The following MALRD1 variants were observed in gnomAD, a reference collection of about 807,000 sequenced individuals.
MALRD1 encodes MAM and LDL-receptor class A domain-containing protein 1.
MALRD1 carries 247 observed loss-of-function variants against 242.1 expected under a neutral mutation model. That is an observed-to-expected ratio of 1.02 (90% CI 0.92 to 1.13). The LOEUF is 1.13. MALRD1 is among the 50% of genes most tolerant of loss of function. The probability of loss-of-function intolerance (pLI) is 0.00; values close to 1 mark genes in which losing one functional copy is unlikely to be tolerated. For missense variants in MALRD1, 2,989 were observed against 2,533.1 expected (o/e 1.18, Z -3.86); for synonymous variants, 995 against 866.6 (o/e 1.15, Z -2.60).
At chr10:19,132,601 A>G (rs1833156110) in intron 8 of MALRD1, among the ~76,000 whole-genome samples, 3 of 152,150 alleles carry the variant, frequency 2.0e-5, no homozygotes, top group Admixed American at 2.0e-4. Context: ...AAATATTGAT[A>G]TCAAGTATCA....
intron 14 of MALRD1, among the ~76,000 whole-genome samples, chr10:19,200,884 TA>T (rs1165539759): frequency 5.3e-5 from 8 of 152,164 alleles, no homozygotes; most frequent in African/African-American, 1.9e-4. Flanking sequence ...TTTTAATCTA[TA>T]GCCATAGTAC....
intron 28 of MALRD1, among the ~76,000 whole-genome samples, chr10:19,430,042 C>T (rs1010010680): frequency 6.6e-6 from 1 of 151,662 alleles, no homozygotes; most frequent in Non-Finnish European, 1.5e-5. Context: ...AATATTCAGA[C>T]ACTTCCATAC....
At chr10:19,308,256 T>C (rs1842301269) in intron 21 of MALRD1, among the ~76,000 whole-genome samples, 1 of 151,530 alleles carries the variant, frequency 6.6e-6, no homozygotes, top group South Asian at 2.1e-4. Context: ...TTTGATTTTA[T>C]ATGGTGTGTA....
intron 18 of MALRD1, among the ~76,000 whole-genome samples, chr10:19,253,895 G>T (rs560868108): frequency 1.7e-4 from 26 of 152,094 alleles, no homozygotes; most frequent in Admixed American, 1.3e-3. Flanking sequence ...TGGGTCAAGG[G>T]TGGGACCAGG....
intron 14 of MALRD1, among the ~76,000 whole-genome samples, chr10:19,188,063 T>C (rs1835814721): frequency 6.6e-6 from 1 of 152,200 alleles, no homozygotes; most frequent in Non-Finnish European, 1.5e-5. Context: ...TGAGGACCAT[T>C]TCAGCCGAGG....
chr10:19,479,171 C>G lies in MALRD1; in HGVS notation c.5030-12346C>G, dbSNP rs1444964352. On this transcript the variant is annotated intron_variant, in intron 29 of 39. Coordinates refer to ENST00000454679, the MANE Select transcript of MALRD1 (RefSeq NM_001142308.3). ...GTGATGATTATAATACAGTTTCTTC[C>G]TTTAAGGATTCTTCATTTTCTTTCA... 1.3e-5 allele frequency among the ~76,000 whole-genome samples: 2 copies of G among 152,098 alleles called. 1 individual carries two copies. The highest frequency in any genetic ancestry group is 3.8e-4 in the East Asian group (2 of 5,198).
chr10:19,189,294 C>A (rs1238707771), intron 14 of MALRD1, among the ~76,000 whole-genome samples: 1 of 152,002 alleles, frequency 6.6e-6, no homozygotes, highest in East Asian at 1.9e-4. Flanking sequence ...CTACAACTAG[C>A]AAAGAGATTT....
intron 26 of MALRD1, among the ~76,000 whole-genome samples, chr10:19,368,715 T>C (rs1446567778): frequency 6.6e-6 from 1 of 151,976 alleles, no homozygotes; most frequent in African/African-American, 2.4e-5. Flanking sequence ...GTATGCTTAT[T>C]TTAACAATAT....
intron 36 of MALRD1, among the ~76,000 whole-genome samples, chr10:19,635,954 G>A (rs1421275482): frequency 6.6e-6 from 1 of 151,776 alleles, no homozygotes; most frequent in Non-Finnish European, 1.5e-5. Context: ...AGGCTGGAGT[G>A]CAATGGCACA....
upstream of MALRD1, among the ~76,000 whole-genome samples, chr10:19,048,387 AAAAC>A (rs753737363): frequency 6.6e-6 from 1 of 152,218 alleles, no homozygotes; most frequent in Non-Finnish European, 1.5e-5. Flanking sequence ...AAAGAAGACA[AAAAC>A]AAGCAAGGTG....
intron 33 of MALRD1, among the ~76,000 whole-genome samples, chr10:19,581,844 A>G (rs923440859): frequency 1.2e-4 from 18 of 151,882 alleles, no homozygotes; most frequent in Admixed American, 6.6e-5. Flanking sequence ...CAACAGTGTA[A>G]AAGTGTTCCT....
intron 26 of MALRD1, among the ~76,000 whole-genome samples, chr10:19,370,515 T>A (rs1468619372): frequency 6.6e-6 from 1 of 152,192 alleles, no homozygotes; most frequent in African/African-American, 2.4e-5. Flanking sequence ...GTATTAAAAG[T>A]ACAATTAATT....
At chr10:19,645,079 A>G (rs1432598781) in intron 36 of MALRD1, among the ~76,000 whole-genome samples, 6 of 152,196 alleles carry the variant, frequency 3.9e-5, no homozygotes, top group African/African-American at 1.4e-4. Flanking sequence ...TCATTTTCAT[A>G]GTGTCATTAT....
chr10:19,172,594 G>A (rs1267017919), intron 13 of MALRD1, among the ~76,000 whole-genome samples: 5 of 150,992 alleles, frequency 3.3e-5, no homozygotes, highest in Non-Finnish European at 7.4e-5. Context: ...TCATCCCAGG[G>A]CCCACCCATT....
intron 30 of MALRD1, among the ~76,000 whole-genome samples, chr10:19,498,025 A>T: frequency 6.6e-6 from 1 of 152,204 alleles, no homozygotes; most frequent in East Asian, 1.9e-4. Context: ...TGTCCAAGAT[A>T]ATTTGTGTCC....
At chr10:19,596,300 TA>T (rs1490664136) in intron 34 of MALRD1, among the ~76,000 whole-genome samples, 1 of 152,172 alleles carries the variant, frequency 6.6e-6, no homozygotes, top group Non-Finnish European at 1.5e-5. Context: ...TTTTATATTT[TA>T]TATTTTATTA....
chr10:19,416,508 A>G (rs1031033220), intron 28 of MALRD1, among the ~76,000 whole-genome samples: 1 of 152,102 alleles, frequency 6.6e-6, no homozygotes, highest in South Asian at 2.1e-4. Flanking sequence ...ATCTGCTCAA[A>G]TATATTCAGC....
At chr10:19,536,369 A>G (rs1447021965) in intron 32 of MALRD1, among the ~76,000 whole-genome samples, 1 of 142,742 alleles carries the variant, frequency 7.0e-6, no homozygotes, top group Non-Finnish European at 1.5e-5. Context: ...TTTTAATTAT[A>G]CTTTAAGTTT....
At chr10:19,288,789 A>G (rs1044010057) in intron 21 of MALRD1, among the ~76,000 whole-genome samples, 7 of 152,078 alleles carry the variant, frequency 4.6e-5, no homozygotes, top group Non-Finnish European at 1.0e-4. Flanking sequence ...ATGCCCTTAC[A>G]GCCCTCTCCA....
Sources: gnomAD v4.1 joint callset for allele counts (sites outside exome capture counted in the v4.1 genomes callset) on GRCh38, gnomAD v4.1.1 for gene constraint, MANE v1.5 for transcripts, NCBI Gene and HGNC (gene_info 2026-07-23, HGNC 2026-07-21) for gene names.